VWA3B: variants seen among roughly 807,000 people sequenced by gnomAD.
VWA3B encodes von Willebrand factor A domain containing 3B.
A neutral mutation model predicts 158.3 loss-of-function variants in VWA3B; 138 were observed. The observed-to-expected ratio is 0.87, with a 90% CI of 0.76 to 1.00. VWA3B has a LOEUF of 1.00. VWA3B is among the 50% of genes least tolerant of loss of function. The pLI, the probability that VWA3B is intolerant of heterozygous loss-of-function variation, is 0.00. For missense variants in VWA3B, 1,555 were observed against 1,565.1 expected, an observed-to-expected ratio of 0.99 and a Z score of 0.11; for synonymous variants, 596 against 587.3, an observed-to-expected ratio of 1.01 and a Z score of -0.21.
intron 9 of VWA3B, among the ~76,000 whole-genome samples, chr2:98,183,153 T>C (rs1232863555): frequency 2.0e-5 from 3 of 151,492 alleles, no homozygotes; most frequent in Non-Finnish European, 1.5e-5. Flanking sequence ...TGTATTATGG[T>C]AAAGATTGAG....
chr2:98,253,121 T>G (rs970586208), intron 20 of VWA3B, among the ~76,000 whole-genome samples: 8 of 152,130 alleles, frequency 5.3e-5, no homozygotes, highest in Non-Finnish European at 8.8e-5. Flanking sequence ...TCAATTGTGT[T>G]TAAGAGTGTT....
chr2:98,119,380 C>A, intron 3 of VWA3B, 133 bp from the exon 4 acceptor site: 1 of 999,460 alleles, frequency 1.0e-6, no homozygotes. Flanking sequence ...GGAACCTTTT[C>A]TCCTGGATTC....
At chr2:98,306,513 G>C (rs1165108468) in intron 26 of VWA3B, among the ~76,000 whole-genome samples, 1 of 151,978 alleles carries the variant, frequency 6.6e-6, no homozygotes, top group Non-Finnish European at 1.5e-5. Context: ...GTCTAGATGG[G>C]TTGATACTTC....
intron 10 of VWA3B, among the ~76,000 whole-genome samples, chr2:98,189,031 T>C (rs1366174203): frequency 6.6e-6 from 1 of 152,216 alleles, no homozygotes; most frequent in Non-Finnish European, 1.5e-5. Context: ...CAGATTTTGA[T>C]ATATTGTATT....
intron 21 of VWA3B, among the ~76,000 whole-genome samples, chr2:98,257,167 T>C (rs534525706): frequency 2.6e-5 from 4 of 152,034 alleles, no homozygotes; most frequent in Non-Finnish European, 5.9e-5. Flanking sequence ...AAGATCAACT[T>C]TTTTTTGTTT....
chr2:98,115,661 C>T lies in VWA3B; in HGVS notation c.206C>T (p.Ala69Val), dbSNP rs764430531. Residue 69 changes from alanine to valine, a missense_variant, in exon 3 of 28, where the codon GCG (alanine) becomes GTG (valine). Transcript: ENST00000477737. ...CTTTATAAAAATGCAGATTATGTGG[C>T]GTCTCTGGGGAGACCTGTGGCTTCT... is the stretch of plus-strand genomic sequence containing the variant. ...IGFPHCEDYVASLGRPVASRY... is the reference protein window; with the variant it reads ...IGFPHCEDYVVSLGRPVASRY... 9.3e-6 allele frequency: 15 copies of T among 1,612,952 alleles called. No homozygotes were observed. Among genetic ancestry groups the T allele is most frequent in the East Asian group, 2.2e-5 (1 of 44,886 alleles).
intron 10 of VWA3B, among the ~76,000 whole-genome samples, chr2:98,191,490 G>A (rs1462293542): frequency 6.6e-6 from 1 of 152,188 alleles, no homozygotes; most frequent in East Asian, 1.9e-4. Flanking sequence ...CTTGAAACCA[G>A]TTTGATCTCT....
At chr2:98,328,807 G>T in the VWA3B span, among the ~76,000 whole-genome samples, 2 of 152,094 alleles carry the variant, frequency 1.3e-5, no homozygotes, top group Non-Finnish European at 2.9e-5. Context: ...GTTCCAGCAG[G>T]TTTGTTGACA....
At chr2:98,207,340 C>T in intron 12 of VWA3B, 1 of 487,948 alleles carries the variant, frequency 2.0e-6, no homozygotes, top group Admixed American at 2.1e-5. Context: ...TGTGGATCCT[C>T]TGGACTCCAT....
intron 2 of VWA3B, among the ~76,000 whole-genome samples, chr2:98,101,196 T>G (rs1379168033): frequency 6.6e-6 from 1 of 152,218 alleles, no homozygotes; most frequent in Non-Finnish European, 1.5e-5. Context: ...TATGGTCTGC[T>G]TTTTCCTAAA....
intron 1 of VWA3B, among the ~76,000 whole-genome samples, chr2:98,091,655 A>C (rs144369569): frequency 6.6e-6 from 1 of 152,346 alleles, no homozygotes; most frequent in African/African-American, 2.4e-5. Context: ...GCTAATGATA[A>C]TACTTCTAAC....
chr2:98,134,681 C>T (rs894746274), intron 7 of VWA3B, among the ~76,000 whole-genome samples: 1 of 151,946 alleles, frequency 6.6e-6, no homozygotes, highest in East Asian at 1.9e-4. Flanking sequence ...AGCTCACCCC[C>T]ACTCTCCCTC....
intron 11 of VWA3B, 47 bp from the exon 12 acceptor site, chr2:98,194,314 C>G: frequency 6.3e-7 from 1 of 1,593,208 alleles, no homozygotes; most frequent in Non-Finnish European, 8.6e-7. Flanking sequence ...CAAACCCTTT[C>G]TAACATCTGA....
intron 14 of VWA3B, among the ~76,000 whole-genome samples, chr2:98,223,431 A>G (rs747347655): frequency 5.9e-5 from 9 of 152,312 alleles, no homozygotes; most frequent in Middle Eastern, 3.4e-3. Context: ...AAAAAGTGAC[A>G]AAATAATAGC....
chr2:98,137,244 G>A (rs1676353991), intron 7 of VWA3B, among the ~76,000 whole-genome samples: 1 of 152,074 alleles, frequency 6.6e-6, no homozygotes, highest in Non-Finnish European at 1.5e-5. Flanking sequence ...TTCCATAGTG[G>A]CTGTACCATT....
In VWA3B at chr2:98,093,051, G is replaced by C. The variant is rs1573735924; in HGVS notation, c.-32-10G>C. On this transcript the variant is annotated splice_polypyrimidine_tract_variant and intron_variant, in intron 1 of 27. Transcript: ENST00000477737. ...TTTTAGGAAGTCTGAGTTTATGATT[G>C]CCCTTACAGGAGTTTGCTGTGACTT... is the stretch of plus-strand genomic sequence containing the variant. The C allele has an allele frequency of 6.3e-7, 1 of 1,582,178 alleles. No homozygotes were observed. Among genetic ancestry groups the C allele is most frequent in the East Asian group, 2.3e-5 (1 of 44,432 alleles).
chr2:98,140,027 G>A (rs574616274), intron 7 of VWA3B, among the ~76,000 whole-genome samples: 1 of 151,862 alleles, frequency 6.6e-6, no homozygotes, highest in Admixed American at 6.5e-5. Flanking sequence ...CTCCAGAAGC[G>A]CCGCCTTAAG....
intron 1 of VWA3B, among the ~76,000 whole-genome samples, 184 bp downstream of exon 1, chr2:98,087,547 C>T (rs1184166653): frequency 6.6e-6 from 1 of 152,144 alleles, no homozygotes; most frequent in Non-Finnish European, 1.5e-5. Context: ...CGTCCGCTAC[C>T]CAGGGCAAGC....
At position 98,133,944 on chromosome 2, in the gene VWA3B, C is replaced by T; in HGVS notation, c.988+5C>T. Reference sequence around the variant, plus strand: ...TGAAAGGAAAACTCCCTCCAGGTACCTGGAATCCAAAAGAAGTGGTGTAGC... The same window carrying T: ...TGAAAGGAAAACTCCCTCCAGGTACTTGGAATCCAAAAGAAGTGGTGTAGC... On this transcript the variant is annotated splice_donor_5th_base_variant and intron_variant, in intron 7 of 27. Transcript: ENST00000477737. 1 of 1,613,222 alleles carries T rather than the reference C, an allele frequency of 6.2e-7. No homozygotes were observed. Among genetic ancestry groups the T allele is most frequent in the Non-Finnish European group, 8.5e-7 (1 of 1,179,186 alleles).
Sources: gnomAD v4.1 joint callset for allele counts (sites outside exome capture counted in the v4.1 genomes callset) on GRCh38, gnomAD v4.1.1 for gene constraint, MANE v1.5 for transcripts, NCBI Gene and HGNC (gene_info 2026-07-23, HGNC 2026-07-21) for gene names.